PRDM6: variants seen among roughly 807,000 people sequenced by gnomAD.
PRDM6 encodes putative histone-lysine N-methyltransferase PRDM6.
Under a neutral mutation model 60.8 loss-of-function variants are expected in PRDM6, and 25 were observed. The observed-to-expected ratio is 0.41, with a 90% CI of 0.30 to 0.57. The LOEUF is 0.57. Ranked by LOEUF, PRDM6 falls within the 20% of genes least tolerant of loss-of-function variation. The pLI, the probability that PRDM6 is intolerant of heterozygous loss-of-function variation, is 0.27. For missense variants in PRDM6, 839 were observed against 821.3 expected (o/e 1.02, Z -0.26); for synonymous variants, 407 against 357.4 (o/e 1.14, Z -1.57).
intron 3 of PRDM6, among the ~76,000 whole-genome samples, chr5:123,155,050 T>C (rs559888666): frequency 2.3e-4 from 35 of 152,288 alleles, no homozygotes; most frequent in African/African-American, 8.2e-4. Flanking sequence ...TGGCACTGAC[T>C]CTGTGTTTGC....
At chr5:123,156,137 T>C (rs1765493806) in intron 4 of PRDM6, 126 bp downstream of exon 4, 1 of 927,340 alleles carries the variant, frequency 1.1e-6, no homozygotes, top group South Asian at 1.9e-5. Flanking sequence ...CAGACATTTT[T>C]TTTTTTTGCT....
chr5:123,115,477 CTG>C (rs1278322504), intron 3 of PRDM6, among the ~76,000 whole-genome samples: 3 of 152,152 alleles, frequency 2.0e-5, no homozygotes, highest in African/African-American at 7.2e-5. Flanking sequence ...CACGCACACA[CTG>C]TTATCAAAAT....
At chr5:123,130,715 T>C (rs1243638413) in intron 3 of PRDM6, among the ~76,000 whole-genome samples, 1 of 151,960 alleles carries the variant, frequency 6.6e-6, no homozygotes, top group Non-Finnish European at 1.5e-5. Context: ...CAGGCATGCA[T>C]CACCATGCCC....
intron 6 of PRDM6, among the ~76,000 whole-genome samples, chr5:123,173,202 A>AT (rs1454292419): frequency 6.6e-6 from 1 of 151,988 alleles, no homozygotes; most frequent in East Asian, 1.9e-4. Context: ...AAAAAAAAAA[A>AT]AAATTATATG....
At chr5:123,175,787 C>G (rs373772808) in intron 6 of PRDM6, among the ~76,000 whole-genome samples, 2 of 152,124 alleles carry the variant, frequency 1.3e-5, no homozygotes, top group South Asian at 4.1e-4. Flanking sequence ...TAAGCCAAAC[C>G]ATACTTAATT....
At chr5:123,123,044 AT>A (rs1412477780) in intron 3 of PRDM6, among the ~76,000 whole-genome samples, 1 of 152,068 alleles carries the variant, frequency 6.6e-6, no homozygotes, top group Non-Finnish European at 1.5e-5. Flanking sequence ...ATTGGTATAA[AT>A]TTTTTATGTT....
chr5:123,120,345 T>TGG (rs1257848469), intron 3 of PRDM6, among the ~76,000 whole-genome samples: 1 of 152,180 alleles, frequency 6.6e-6, no homozygotes, highest in African/African-American at 2.4e-5. Flanking sequence ...GCTGTTTGGT[T>TGG]GTTGAGTGGA....
chr5:123,108,981 C>T (rs1318960536), intron 3 of PRDM6, among the ~76,000 whole-genome samples: 1 of 152,108 alleles, frequency 6.6e-6, no homozygotes, highest in Non-Finnish European at 1.5e-5. Flanking sequence ...CTAGTCTTAT[C>T]CTCTCCACTC....
chr5:123,193,772 C>T lies in PRDM6; in HGVS notation c.*6571C>T, dbSNP rs1031795828. On this transcript the variant is annotated 3_prime_UTR_variant, in exon 8 of 8. Transcript: ENST00000407847. ...CTAATAGAAGTGTGATATTTAGATG[C>T]TATTAGGACATTGTATACATTTCTT... 1 of 152,098 alleles carries T rather than the reference C, an allele frequency of 6.6e-6. No individual in the cohort carries two copies. Among genetic ancestry groups the T allele is most frequent in the African/African-American group, 2.4e-5 (1 of 41,410 alleles). 9.4% of individuals were successfully genotyped at this position (152,098 alleles called of 1,614,324 possible).
intron 2 of PRDM6, among the ~76,000 whole-genome samples, chr5:123,091,290 TCTC>T (rs1298683081): frequency 3.3e-5 from 5 of 152,148 alleles, no homozygotes; most frequent in South Asian, 2.1e-4. Flanking sequence ...AAATTTCTGT[TCTC>T]CTCCGATTCC....
At chr5:123,089,669 T>C (rs902899644) in intron 1 of PRDM6, 150 bp downstream of exon 1, 2 of 243,636 alleles carry the variant, frequency 8.2e-6, no homozygotes, top group Non-Finnish European at 1.6e-5. Flanking sequence ...CCGGCTCGGG[T>C]CGGCTCCGGG....
chr5:123,121,200 C>CT (rs933735097), intron 3 of PRDM6, among the ~76,000 whole-genome samples: 5 of 152,100 alleles, frequency 3.3e-5, no homozygotes, highest in Non-Finnish European at 7.4e-5. Flanking sequence ...CACCAAGAAG[C>CT]TTTTTTTACC....
chr5:123,182,644 T>C (rs1277225391), intron 7 of PRDM6, among the ~76,000 whole-genome samples: 2 of 152,220 alleles, frequency 1.3e-5, no homozygotes, highest in Non-Finnish European at 2.9e-5. Context: ...CAGATTAATA[T>C]TTGAAGGGCT....
chr5:123,172,370 A>G (rs2126885111), intron 6 of PRDM6, among the ~76,000 whole-genome samples: 1 of 152,336 alleles, frequency 6.6e-6, no homozygotes, highest in East Asian at 1.9e-4. Context: ...TTGAAACATT[A>G]ATTAGGGTTG....
intron 3 of PRDM6, among the ~76,000 whole-genome samples, chr5:123,135,593 C>T (rs914352130): frequency 2.0e-5 from 3 of 152,086 alleles, no homozygotes; most frequent in African/African-American, 4.8e-5. Flanking sequence ...CAACCACCCT[C>T]CCTCCACCCC....
intron 3 of PRDM6, among the ~76,000 whole-genome samples, chr5:123,112,352 A>G (rs1470043278): frequency 6.6e-6 from 1 of 152,184 alleles, no homozygotes; most frequent in Non-Finnish European, 1.5e-5. Flanking sequence ...TATCATATGG[A>G]GAACCCATAT....
intron 3 of PRDM6, among the ~76,000 whole-genome samples, chr5:123,106,014 A>G (rs566230769): frequency 1.4e-4 from 22 of 152,324 alleles, no homozygotes; most frequent in Non-Finnish European, 2.8e-4. Context: ...AGGTCGAGCA[A>G]TTGTCAGGCT....
At chr5:123,184,771 T>TA (rs1367787556) in intron 7 of PRDM6, among the ~76,000 whole-genome samples, 1 of 152,196 alleles carries the variant, frequency 6.6e-6, no homozygotes, top group Non-Finnish European at 1.5e-5. Flanking sequence ...CTCTTATTTT[T>TA]AAAAAATATT....
At chr5:123,129,581 C>G (rs1764773107) in intron 3 of PRDM6, among the ~76,000 whole-genome samples, 1 of 152,150 alleles carries the variant, frequency 6.6e-6, no homozygotes, top group African/African-American at 2.4e-5. Context: ...TTATCATCAA[C>G]TATAATTATC....
Sources: allele counts gnomAD v4.1 joint callset (sites outside exome capture counted in the v4.1 genomes callset), GRCh38; gene constraint gnomAD v4.1.1; transcripts MANE v1.5; gene names NCBI Gene and HGNC (gene_info 2026-07-23, HGNC 2026-07-21).